BCAS3: variants seen among roughly 807,000 people sequenced by gnomAD.
BCAS3 encodes the protein BCAS3 microtubule associated cell migration factor.
In BCAS3, 53 loss-of-function variants were observed where a neutral mutation model predicts 116.1. The observed-to-expected ratio is 0.46, with a 90% CI of 0.37 to 0.57. The LOEUF (loss-of-function observed/expected upper bound fraction) is 0.57. Ranked by LOEUF, BCAS3 falls within the 20% of genes least tolerant of loss-of-function variation. The pLI, the probability that BCAS3 is intolerant of heterozygous loss-of-function variation, is 0.00. For synonymous variants in BCAS3, 391 were observed against 408.2 expected (o/e 0.96, Z 0.51); for missense variants, 917 against 1,165.4 (o/e 0.79, Z 3.10).
rs1435054794 is a variant in BCAS3, at chr17:61,285,575, G to T, written c.2426-82752G>T. ...TGGGCTCAAAACTGTCTTGAGCTGT[G>T]CTAGGCATAATTGAGATGCATGGAC... On this transcript the variant is annotated intron_variant, in intron 22 of 23. Transcript: ENST00000407086. This position sits in a 1 kb window ranked among gnomAD's most constrained non-coding sequence, Gnocchi z 5.4. Among the ~76,000 whole-genome samples the T allele has an allele frequency of 2.0e-5, 3 of 152,206 alleles. No homozygotes were observed. The East Asian group carries it at 5.8e-4, about 29-fold the overall frequency.
At chr17:61,060,113 TA>T (rs1300724213) in intron 19 of BCAS3, among the ~76,000 whole-genome samples, 2 of 150,038 alleles carry the variant, frequency 1.3e-5, no homozygotes, top group African/African-American at 2.5e-5. Flanking sequence ...GACCTAAATA[TA>T]TTTTTTTTAT....
chr17:60,706,008 C>T (rs1412891093), intron 4 of BCAS3, among the ~76,000 whole-genome samples: 1 of 152,100 alleles, frequency 6.6e-6, no homozygotes, highest in Non-Finnish European at 1.5e-5. Context: ...AGGGAGATGA[C>T]CGACCCCTCC....
At chr17:61,270,773 G>A (rs2050171192) in intron 22 of BCAS3, among the ~76,000 whole-genome samples, 1 of 151,930 alleles carries the variant, frequency 6.6e-6, no homozygotes. Context: ...ATGAAGTTTT[G>A]CTCTTGTTGC....
chr17:60,929,989 T>C (rs939768081), intron 13 of BCAS3, among the ~76,000 whole-genome samples: 9 of 152,066 alleles, frequency 5.9e-5, no homozygotes, highest in African/African-American at 2.2e-4. Context: ...TTTGGGTTGG[T>C]TCCAAGTCTG....
At position 61,136,745 on chromosome 17, in the gene BCAS3, G is replaced by C. The variant is rs2076664245; in HGVS notation, c.2425+52181G>C. On this transcript the variant is annotated intron_variant, in intron 22 of 23. Coordinates refer to ENST00000407086, the MANE Select transcript of BCAS3 (RefSeq NM_017679.5). The surrounding 1 kb of genome is among the most constrained non-coding windows in gnomAD (Gnocchi z 4.4). ...CAGCTAATTTTGCATTTTTAGTAGA[G>C]ATGGGGTTTTGCCATGTTGCCCAGG... 6.6e-6 allele frequency among the ~76,000 whole-genome samples: 1 copy of C among 152,118 alleles called. No individual in the cohort carries two copies. The highest frequency in any genetic ancestry group is 1.5e-5 in the Non-Finnish European group (1 of 68,020).
intron 23 of BCAS3, among the ~76,000 whole-genome samples, chr17:61,370,896 C>T (rs578048245): frequency 3.9e-5 from 6 of 152,324 alleles, no homozygotes; most frequent in Admixed American, 3.3e-4. Flanking sequence ...TACAGTGCAA[C>T]GTGGGTAAGA....
chr17:61,070,050 T>C, intron 19 of BCAS3: 1 of 1,593,940 alleles, frequency 6.3e-7, no homozygotes. Flanking sequence ...AGCCCAAATA[T>C]CCTCGGAAGA....
intron 6 of BCAS3, among the ~76,000 whole-genome samples, chr17:60,794,163 A>G (rs2047016086): frequency 6.6e-6 from 1 of 152,048 alleles, no homozygotes; most frequent in South Asian, 2.1e-4. Context: ...CATTAGTGGT[A>G]TTGAGCATTT....
Position 61,188,488 on chromosome 17 carries a change from CAA to C in BCAS3, c.2425+103926_2425+103927del, listed in dbSNP as rs1245530571. Among the ~76,000 whole-genome samples, 6 of 152,210 alleles carry C rather than the reference CAA, an allele frequency of 3.9e-5. No homozygotes were observed. Among genetic ancestry groups the C allele is most frequent in the South Asian group, 2.1e-4 (1 of 4,832 alleles). On this transcript the variant is annotated intron_variant, in intron 22 of 23. Transcript: ENST00000407086. This position sits in a 1 kb window ranked among gnomAD's most constrained non-coding sequence, Gnocchi z 4.0. ...CAAGTGGATTTTAGGTGTTTTATAT[CAA>C]AGTTGTTTATCTTAAATCTTGGCTC...
intron 22 of BCAS3, among the ~76,000 whole-genome samples, chr17:61,314,613 C>A (rs1427886686): frequency 6.6e-6 from 1 of 152,222 alleles, no homozygotes; most frequent in Non-Finnish European, 1.5e-5. Flanking sequence ...CTTGCCAAGA[C>A]AAGCCCAATA....
intron 22 of BCAS3, among the ~76,000 whole-genome samples, chr17:61,114,243 A>G (rs997658658): frequency 9.3e-4 from 133 of 143,068 alleles, no homozygotes; most frequent in African/African-American, 3.4e-3. Flanking sequence ...GGCCAGGGCA[A>G]TTAGGCAGGA....
Position 61,338,888 on chromosome 17 carries a change from GAAAAAAA to G in BCAS3, c.2426-29417_2426-29411del, listed in dbSNP as rs57701817. 3.1e-3 allele frequency among the ~76,000 whole-genome samples: 206 copies of G among 67,324 alleles called. 2 individuals are homozygous for G. Among genetic ancestry groups the G allele is most frequent in the Non-Finnish European group, 5.1e-3 (159 of 31,282 alleles). The allele number at this position is 67,324 out of a possible 152,430, so 44.2% of individuals were successfully genotyped here. A position where few individuals can be genotyped will look rare whatever the true frequency, so the allele number is the denominator to read the frequency against. On this transcript the variant is annotated intron_variant, in intron 22 of 23. Coordinates refer to ENST00000407086, the MANE Select transcript of BCAS3 (RefSeq NM_017679.5). Reference sequence around the variant, plus strand: ...GAAGCCTATCTGGTGCCCTTACTGGGAAAAAAAAAAAAAAAAAAAAAAAAAAAAGCAG... The same window carrying G: ...GAAGCCTATCTGGTGCCCTTACTGGGAAAAAAAAAAAAAAAAAAAAAGCAG...
intron 7 of BCAS3, among the ~76,000 whole-genome samples, chr17:60,845,707 TC>T (rs1484069237): frequency 6.6e-6 from 1 of 152,142 alleles, no homozygotes; most frequent in African/African-American, 2.4e-5. Flanking sequence ...ATGCTATCGT[TC>T]CTAGAGGTTC....
At chr17:61,027,320 C>A in intron 16 of BCAS3, 1 of 441,296 alleles carries the variant, frequency 2.3e-6, no homozygotes, top group Non-Finnish European at 4.5e-6. Context: ...ATACCAAAAG[C>A]ACCTTATAAA....
chr17:60,724,239 C>T (rs890932449), intron 5 of BCAS3, among the ~76,000 whole-genome samples: 2 of 150,860 alleles, frequency 1.3e-5, no homozygotes, highest in Non-Finnish European at 3.0e-5. Context: ...GCCTGGCCAA[C>T]ATGGTGAAAC....
chr17:60,818,374 T>C (rs577087654), intron 7 of BCAS3, among the ~76,000 whole-genome samples: 16 of 152,212 alleles, frequency 1.1e-4, no homozygotes, highest in Non-Finnish European at 1.8e-4. Context: ...TGAAGCGCAG[T>C]GTCACCATCC....
At chr17:61,320,307 C>T (rs569321443) in intron 22 of BCAS3, among the ~76,000 whole-genome samples, 2 of 152,268 alleles carry the variant, frequency 1.3e-5, no homozygotes, top group Admixed American at 1.3e-4. Flanking sequence ...CATTCCTAGA[C>T]AGTGGCACTA....
rs567208829 is a variant in BCAS3, at chr17:61,278,373, G to A, written c.2426-89954G>A. ...GTGTTTTTTGTAGAGACAGGGTTTC[G>A]CCATGTTCCCAGGCTTATCTCAAAC... is the stretch of plus-strand genomic sequence containing the variant. On this transcript the variant is annotated intron_variant, in intron 22 of 23. Transcript: ENST00000407086. The surrounding 1 kb of genome is among the most constrained non-coding windows in gnomAD (Gnocchi z 5.8). Among the ~76,000 whole-genome samples, 424 of 152,070 alleles carry A rather than the reference G, an allele frequency of 2.8e-3. 2 individuals are homozygous for A. The highest frequency in any genetic ancestry group is 4.7e-3 in the Admixed American group (71 of 15,262).
intron 5 of BCAS3, among the ~76,000 whole-genome samples, chr17:60,735,506 T>C (rs545592428): frequency 1.8e-4 from 28 of 152,250 alleles, no homozygotes; most frequent in Non-Finnish European, 3.7e-4. Context: ...CAGGCTTGAG[T>C]GCAGTGGCAC....
Sources: gnomAD v4.1 joint callset for allele counts (sites outside exome capture counted in the v4.1 genomes callset) on GRCh38, gnomAD v4.1.1 for gene constraint, Gnocchi (gnomAD v3.1) non-coding constraint, MANE v1.5 for transcripts, NCBI Gene and HGNC (gene_info 2026-07-23, HGNC 2026-07-21) for gene names.